HNRNPLL: variants seen among roughly 807,000 people sequenced by gnomAD.
The protein encoded by HNRNPLL is heterogeneous nuclear ribonucleoprotein L-like.
HNRNPLL carries 25 observed loss-of-function variants against 67.1 expected under a neutral mutation model. The observed-to-expected ratio is 0.37, with a 90% confidence interval of 0.27 to 0.52. HNRNPLL has a LOEUF of 0.52. Ranked by LOEUF, HNRNPLL falls within the 20% of genes least tolerant of loss-of-function variation. The probability of loss-of-function intolerance (pLI) is 0.90; values close to 1 mark genes in which losing one functional copy is unlikely to be tolerated. For missense variants in HNRNPLL, 542 were observed against 673.9 expected, an observed-to-expected ratio of 0.80 and a Z score of 2.17; for synonymous variants, 267 against 241.7, an observed-to-expected ratio of 1.10 and a Z score of -0.97.
chr2:38,573,827 G>A (rs1426330390), intron 7 of HNRNPLL, among the ~76,000 whole-genome samples: 2 of 151,810 alleles, frequency 1.3e-5, no homozygotes, highest in African/African-American at 4.8e-5. Context: ...CATGTACAGT[G>A]AAATCTGGGA....
intron 9 of HNRNPLL, 90 bp from the exon 10 acceptor site, chr2:38,569,424 T>C: frequency 1.1e-6 from 1 of 926,862 alleles, no homozygotes; most frequent in Non-Finnish European, 1.7e-6. Context: ...TTTGCTTGCA[T>C]AAATCTTAAC....
intron 12 of HNRNPLL, among the ~76,000 whole-genome samples, chr2:38,567,414 C>T (rs946728842): frequency 6.6e-6 from 1 of 151,900 alleles, no homozygotes; most frequent in African/African-American, 2.4e-5. Context: ...CAGTGCCTAG[C>T]CAAGTTTTAA....
intron 8 of HNRNPLL, among the ~76,000 whole-genome samples, chr2:38,571,114 G>C (rs1201483343): frequency 6.6e-6 from 1 of 152,102 alleles, no homozygotes; most frequent in Non-Finnish European, 1.5e-5. Flanking sequence ...GACAGAGACA[G>C]ACAGAGATTA....
chr2:38,583,430 G>C (rs1666613570), intron 4 of HNRNPLL, among the ~76,000 whole-genome samples: 1 of 151,990 alleles, frequency 6.6e-6, no homozygotes, highest in South Asian at 2.1e-4. Context: ...CTCAATGTGT[G>C]ACAAATTTAA....
At chr2:38,577,585 G>A (rs1463335848) in intron 6 of HNRNPLL, 53 bp from the exon 7 acceptor site, 2 of 1,056,898 alleles carry the variant, frequency 1.9e-6, no homozygotes, top group African/African-American at 1.6e-5. Flanking sequence ...AGTACTTAAT[G>A]GAGTTCTCAG....
chr2:38,587,541 G>A (rs968989791), intron 2 of HNRNPLL, among the ~76,000 whole-genome samples: 1 of 152,240 alleles, frequency 6.6e-6, no homozygotes, highest in African/African-American at 2.4e-5. Context: ...AATCCCAGGA[G>A]ACATTCCTTT....
chr2:38,578,962 C>T (rs1448907410), intron 6 of HNRNPLL, among the ~76,000 whole-genome samples: 1 of 152,106 alleles, frequency 6.6e-6, no homozygotes, highest in Non-Finnish European at 1.5e-5. Context: ...TAACGTCTCT[C>T]ATCACGCAAG....
At chr2:38,565,934 T>A in intron 12 of HNRNPLL, 1 of 752,110 alleles carries the variant, frequency 1.3e-6, no homozygotes, top group Non-Finnish European at 1.6e-6. Context: ...TTAAAGCAAA[T>A]TTCAGATGTT....
intron 12 of HNRNPLL, among the ~76,000 whole-genome samples, chr2:38,565,619 T>C (rs1665826946): frequency 1.3e-5 from 2 of 151,520 alleles, no homozygotes; most frequent in Admixed American, 6.6e-5. Context: ...CCCCAGCTAT[T>C]TGGGAGGCTG....
At chr2:38,599,815 A>G (rs998129436) in intron 1 of HNRNPLL, 4 of 456,368 alleles carry the variant, frequency 8.8e-6, no homozygotes, top group African/African-American at 8.1e-5. Flanking sequence ...TAAAAAACCA[A>G]GCAATGTAAA....
chr2:38,575,706 A>G (rs1666276254), intron 7 of HNRNPLL, among the ~76,000 whole-genome samples: 1 of 151,856 alleles, frequency 6.6e-6, no homozygotes, highest in Non-Finnish European at 1.5e-5. Context: ...TAGGAAAAGG[A>G]AAGGTCATCT....
Position 38,573,468 on chromosome 2 carries a change from C to T in HNRNPLL, c.875-41G>A, listed in dbSNP as rs754001862. On this transcript the variant is annotated intron_variant, in intron 7 of 12. Coordinates refer to ENST00000449105, the MANE Select transcript of HNRNPLL (RefSeq NM_138394.4). ...AAATAAATAAATTAGTTAACATATA[C>T]ACATAGTTGTTTGTAAATACTTTAG... The T allele has an allele frequency of 1.8e-5, 24 of 1,300,522 alleles. No homozygotes were observed. In the African/African-American group the frequency reaches 2.4e-4, roughly 13 times the overall value. 80.6% of individuals were successfully genotyped at this position (1,300,522 alleles called of 1,614,324 possible).
At chr2:38,569,599 C>T (rs908011034) in intron 9 of HNRNPLL, among the ~76,000 whole-genome samples, 1 of 152,042 alleles carries the variant, frequency 6.6e-6, no homozygotes, top group Admixed American at 6.6e-5. Flanking sequence ...GTTTTATCAT[C>T]ATAAAACTAA....
At chr2:38,582,194 T>A in intron 4 of HNRNPLL, 26 bp from the exon 5 acceptor site, 1 of 1,487,848 alleles carries the variant, frequency 6.7e-7, no homozygotes. Flanking sequence ...GAAATTCGGT[T>A]TAAGGTATCT....
intron 1 of HNRNPLL, among the ~76,000 whole-genome samples, chr2:38,597,168 A>C (rs1667228035): frequency 6.6e-6 from 1 of 152,248 alleles, no homozygotes; most frequent in Admixed American, 6.5e-5. Context: ...AAGGTTCAAT[A>C]AACATTAGTT....
At chr2:38,574,612 G>A (rs1666227596) in intron 7 of HNRNPLL, among the ~76,000 whole-genome samples, 1 of 151,696 alleles carries the variant, frequency 6.6e-6, no homozygotes, top group Admixed American at 6.6e-5. Flanking sequence ...AGCTTATGGT[G>A]GACTCCAATT....
intron 1 of HNRNPLL, chr2:38,601,696 G>A (rs954497922): frequency 5.9e-5 from 9 of 152,178 alleles, no homozygotes; most frequent in Admixed American, 4.6e-4. Context: ...CCTTTCATGG[G>A]GCAAATGTGG....
At chr2:38,578,249 G>C (rs1666378205) in intron 6 of HNRNPLL, among the ~76,000 whole-genome samples, 1 of 151,946 alleles carries the variant, frequency 6.6e-6, no homozygotes, top group Non-Finnish European at 1.5e-5. Flanking sequence ...ATACTCTAAA[G>C]GATAATTTTT....
At chr2:38,592,714 TAAGACA>T (rs1268792329) in intron 1 of HNRNPLL, among the ~76,000 whole-genome samples, 4 of 152,232 alleles carry the variant, frequency 2.6e-5, no homozygotes, top group African/African-American at 9.6e-5. Flanking sequence ...CAAGTTCCAT[TAAGACA>T]AAGATCTGTA....
Sources: gnomAD v4.1 joint callset for allele counts (sites outside exome capture counted in the v4.1 genomes callset) on GRCh38, gnomAD v4.1.1 for gene constraint, MANE v1.5 for transcripts, NCBI Gene and HGNC (gene_info 2026-07-23, HGNC 2026-07-21) for gene names.